CSGALNACT1: variants seen among roughly 807,000 people sequenced by gnomAD.
CSGALNACT1 encodes the protein chondroitin sulfate N-acetylgalactosaminyltransferase 1.
CSGALNACT1 carries 52 observed loss-of-function variants against 51.0 expected under a neutral mutation model. The ratio of observed to expected loss-of-function variants is 1.02; its 90% CI spans 0.82 to 1.29. The LOEUF (loss-of-function observed/expected upper bound fraction) is 1.29. CSGALNACT1 is among the 50% of genes most tolerant of loss of function. The pLI, the probability that CSGALNACT1 is intolerant of heterozygous loss-of-function variation, is 0.00. For missense variants in CSGALNACT1, 935 were observed against 679.2 expected (o/e 1.38, Z -4.19); for synonymous variants, 341 against 254.4 (o/e 1.34, Z -3.24).
Position 19,563,476 on chromosome 8 carries a change from G to A in CSGALNACT1, c.-297+27684C>T, listed in dbSNP as rs114773544. ...ATATTATTTTCAGCAGAGACAACTG[G>A]CAAGTCATGGCTGACCTGGAGTCGC... On this transcript the variant is annotated intron_variant, in intron 3 of 9. Coordinates refer to ENST00000454498, the Ensembl canonical transcript of CSGALNACT1. 8.8e-3 allele frequency among the ~76,000 whole-genome samples: 1,340 copies of A among 152,160 alleles called. 16 individuals carry two copies. Among genetic ancestry groups the A allele is most frequent in the African/African-American group, 0.03 (1,250 of 41,494 alleles).
chr8:19,524,698 T>C (rs886614842), intron 3 of CSGALNACT1, among the ~76,000 whole-genome samples: 2 of 152,148 alleles, frequency 1.3e-5, no homozygotes, highest in African/African-American at 2.4e-5. Flanking sequence ...TTATCCCTAT[T>C]AAAAGCCTCT....
At chr8:19,624,510 C>T (rs1217094961) in intron 1 of CSGALNACT1, among the ~76,000 whole-genome samples, 1 of 152,174 alleles carries the variant, frequency 6.6e-6, no homozygotes. Context: ...GAGTAATTAA[C>T]ACTAAGTACT....
At chr8:19,714,052 C>A (rs936173507) in intron 1 of CSGALNACT1, among the ~76,000 whole-genome samples, 1 of 152,182 alleles carries the variant, frequency 6.6e-6, no homozygotes, top group Non-Finnish European at 1.5e-5. Context: ...CACTCTCCAG[C>A]TTCACCCTTC....
At chr8:19,723,635 G>A (rs770894589) in intron 1 of CSGALNACT1, among the ~76,000 whole-genome samples, 1 of 152,204 alleles carries the variant, frequency 6.6e-6, no homozygotes, top group Non-Finnish European at 1.5e-5. Context: ...TCTGGTACAA[G>A]GACACAGAGG....
At chr8:19,533,422 T>C (rs2083166393) in intron 3 of CSGALNACT1, among the ~76,000 whole-genome samples, 1 of 152,106 alleles carries the variant, frequency 6.6e-6, no homozygotes, top group Admixed American at 6.5e-5. Flanking sequence ...AGTCCCTATT[T>C]TTAATTTATC....
intron 8 of CSGALNACT1, among the ~76,000 whole-genome samples, chr8:19,413,609 A>G (rs1405217186): frequency 6.6e-6 from 1 of 152,234 alleles, no homozygotes; most frequent in African/African-American, 2.4e-5. Context: ...AAAGGTTTCA[A>G]CTGAACTGCA....
At chr8:19,516,598 C>G (rs929699493) in intron 3 of CSGALNACT1, among the ~76,000 whole-genome samples, 6 of 152,244 alleles carry the variant, frequency 3.9e-5, no homozygotes, top group Non-Finnish European at 8.8e-5. Context: ...ACTATCCTGA[C>G]AAATAATCCC....
chr8:19,664,037 A>T (rs1273523023), intron 1 of CSGALNACT1, among the ~76,000 whole-genome samples: 1 of 152,184 alleles, frequency 6.6e-6, no homozygotes, highest in African/African-American at 2.4e-5. Context: ...AGCGCGGGCC[A>T]GGGGTAGGCC....
At chr8:19,602,933 G>C (rs112025980), upstream of CSGALNACT1, among the ~76,000 whole-genome samples, 1,195 of 151,028 alleles carry the variant, frequency 7.9e-3, 20 homozygotes, top group African/African-American at 0.028. Context: ...TTTATTATTC[G>C]AATAACAGCA....
chr8:19,624,296 C>T (rs912261055), intron 1 of CSGALNACT1, among the ~76,000 whole-genome samples: 3 of 152,142 alleles, frequency 2.0e-5, no homozygotes, highest in African/African-American at 7.2e-5. Flanking sequence ...ATAAAACCCA[C>T]AAAAATATTC....
chr8:19,410,775 C>T (rs777762514), intron 8 of CSGALNACT1, among the ~76,000 whole-genome samples: 1 of 152,196 alleles, frequency 6.6e-6, no homozygotes. Flanking sequence ...CACAAAAAGC[C>T]ACTATCTGAA....
At chr8:19,616,600 C>G (rs1022682032) in intron 1 of CSGALNACT1, among the ~76,000 whole-genome samples, 3 of 152,154 alleles carry the variant, frequency 2.0e-5, no homozygotes, top group Admixed American at 2.0e-4. Context: ...GGCAGATTTG[C>G]TATGAATGAT....
chr8:19,580,280 C>A (rs1332461276), intron 3 of CSGALNACT1, among the ~76,000 whole-genome samples: 6 of 152,206 alleles, frequency 3.9e-5, no homozygotes, highest in Admixed American at 2.0e-4. Flanking sequence ...CACTCCAAAG[C>A]TGTGAGTTGT....
At chr8:19,667,033 AAG>A (rs2059404574) in intron 1 of CSGALNACT1, among the ~76,000 whole-genome samples, 1 of 40,792 alleles carries the variant, frequency 2.5e-5, no homozygotes, top group African/African-American at 1.8e-4. Flanking sequence ...GGAAGGAAGG[AAG>A]GAAGGAAGAA....
rs1341663919 is a variant in CSGALNACT1, at chr8:19,457,560, CAG to C, written c.851+864_851+865del. On this transcript the variant is annotated intron_variant, in intron 5 of 9. Coordinates refer to ENST00000454498, the Ensembl canonical transcript of CSGALNACT1. ...CCTGGGAGGTGAAGGTTGCAGTGAG[CAG>C]AGTTCGTGCCACTGCACTCCAGCCT... 224 of 675,164 alleles carry C rather than the reference CAG, an allele frequency of 3.3e-4. 1 individual carries two copies. The Admixed American group carries it at 5.2e-3, about 16-fold the overall frequency. The allele number at this position is 675,164 out of a possible 1,614,324, so 41.8% of individuals were successfully genotyped here.
At chr8:19,527,876 A>G (rs938009331) in intron 3 of CSGALNACT1, among the ~76,000 whole-genome samples, 1 of 152,170 alleles carries the variant, frequency 6.6e-6, no homozygotes, top group Non-Finnish European at 1.5e-5. Context: ...AGAAAAGAAG[A>G]GCTGTACGCC....
intron 4 of CSGALNACT1, among the ~76,000 whole-genome samples, chr8:19,502,961 T>C (rs1376962958): frequency 1.9e-5 from 2 of 103,046 alleles, no homozygotes; most frequent in Non-Finnish European, 4.7e-5. Flanking sequence ...TCCCACTTTG[T>C]TCTGAAACAT....
chr8:19,709,120 C>T (rs1393937286), intron 1 of CSGALNACT1, among the ~76,000 whole-genome samples: 1 of 152,134 alleles, frequency 6.6e-6, no homozygotes, highest in Non-Finnish European at 1.5e-5. Flanking sequence ...GAAACAGGAA[C>T]AGGGCTGGAT....
intron 4 of CSGALNACT1, among the ~76,000 whole-genome samples, chr8:19,502,431 C>A (rs2153987662): frequency 6.6e-6 from 1 of 152,316 alleles, no homozygotes; most frequent in Non-Finnish European, 1.5e-5. Context: ...ACTTCTCTCA[C>A]AATTAGCCTG....
Sources: gnomAD v4.1 joint callset for allele counts (sites outside exome capture counted in the v4.1 genomes callset) on GRCh38, gnomAD v4.1.1 for gene constraint, MANE v1.5 for transcripts, NCBI Gene and HGNC (gene_info 2026-07-23, HGNC 2026-07-21) for gene names.